ATP6V1A: variants seen among roughly 807,000 people sequenced by gnomAD.
ATP6V1A encodes the protein V-type proton ATPase catalytic subunit A.
A neutral mutation model predicts 70.1 loss-of-function variants in ATP6V1A; 18 were observed. The ratio of observed to expected loss-of-function variants is 0.26; its 90% CI spans 0.18 to 0.38. The LOEUF is 0.38. Ranked by LOEUF, ATP6V1A falls within the 10% of genes least tolerant of loss-of-function variation. The probability of loss-of-function intolerance (pLI) is 1.00; values close to 1 mark genes in which losing one functional copy is unlikely to be tolerated. For missense variants in ATP6V1A, 424 were observed against 772.4 expected (o/e 0.55, Z 5.35); for synonymous variants, 232 against 253.8 (o/e 0.91, Z 0.82).
chr3:113,811,186 CATAA>C lies in ATP6V1A; in HGVS notation c.*1765_*1768del, dbSNP rs1709337883. ...TCTTCAAATACCCAAATTGTGATAG[CATAA>C]ATAAAGTATTTATTTTATGCCTCAG... On this transcript the variant is annotated 3_prime_UTR_variant, in exon 15 of 15. Transcript: ENST00000273398. 1 of 152,084 alleles carries C rather than the reference CATAA, an allele frequency of 6.6e-6. No homozygotes were observed. Among genetic ancestry groups the C allele is most frequent in the African/African-American group, 2.4e-5 (1 of 41,400 alleles). 9.4% of individuals were successfully genotyped at this position (152,084 alleles called of 1,614,324 possible). A position where few individuals can be genotyped will look rare whatever the true frequency, so the allele number is the denominator to read the frequency against.
At chr3:113,751,731 G>A (rs777832696) in intron 1 of ATP6V1A, among the ~76,000 whole-genome samples, 18 of 150,940 alleles carry the variant, frequency 1.2e-4, no homozygotes, top group Non-Finnish European at 2.2e-4. Context: ...TATAAAGTAC[G>A]CAATGTGTGT....
At chr3:113,782,191 G>A (rs1196740992) in intron 3 of ATP6V1A, among the ~76,000 whole-genome samples, 1 of 152,084 alleles carries the variant, frequency 6.6e-6, no homozygotes, top group Non-Finnish European at 1.5e-5. Flanking sequence ...AGTACTAGGT[G>A]CCAATTTAAA....
chr3:113,773,331 T>C (rs1322341046), intron 1 of ATP6V1A, among the ~76,000 whole-genome samples: 1 of 152,214 alleles, frequency 6.6e-6, no homozygotes, highest in Non-Finnish European at 1.5e-5. Flanking sequence ...GTGACAATTA[T>C]CTTTAAGTAA....
At chr3:113,764,553 A>G (rs1209514260) in intron 1 of ATP6V1A, among the ~76,000 whole-genome samples, 1 of 152,252 alleles carries the variant, frequency 6.6e-6, no homozygotes, top group Non-Finnish European at 1.5e-5. Context: ...CAGATTTTAA[A>G]GAAAGATGTG....
Position 113,810,776 on chromosome 3 carries a change from T to G in ATP6V1A, c.*1349T>G, listed in dbSNP as rs2108049865. ...TGTTTTTACAAAATAATGACATATG[T>G]CACATGTTTGCATGTTTGTTTGCTT... is the stretch of plus-strand genomic sequence containing the variant. On this transcript the variant is annotated 3_prime_UTR_variant, in exon 15 of 15. Coordinates refer to ENST00000273398, the MANE Select transcript of ATP6V1A (RefSeq NM_001690.4). 6.6e-6 allele frequency: 1 copy of G among 152,368 alleles called. No homozygotes were observed. The highest frequency in any genetic ancestry group is 1.9e-4 in the East Asian group (1 of 5,194). 9.4% of individuals were successfully genotyped at this position (152,368 alleles called of 1,614,324 possible).
At chr3:113,753,337 C>T (rs1218176390) in intron 1 of ATP6V1A, among the ~76,000 whole-genome samples, 5 of 152,116 alleles carry the variant, frequency 3.3e-5, no homozygotes, top group African/African-American at 9.7e-5. Flanking sequence ...AAAATGCTAG[C>T]GGAGATGTGA....
intron 1 of ATP6V1A, among the ~76,000 whole-genome samples, chr3:113,768,161 C>G (rs1045401781): frequency 5.3e-5 from 8 of 151,918 alleles, no homozygotes; most frequent in Admixed American, 1.3e-4. Context: ...AATTTTATTC[C>G]AATAAGAATA....
chr3:113,799,463 C>A (rs1029607889), intron 12 of ATP6V1A, among the ~76,000 whole-genome samples: 9 of 152,108 alleles, frequency 5.9e-5, no homozygotes, highest in African/African-American at 2.2e-4. Flanking sequence ...CTAGGGAAAC[C>A]ACTTTACTTA....
At chr3:113,770,340 G>A (rs1265491279) in intron 1 of ATP6V1A, among the ~76,000 whole-genome samples, 3 of 151,876 alleles carry the variant, frequency 2.0e-5, no homozygotes, top group Non-Finnish European at 4.4e-5. Flanking sequence ...ATGAATTATC[G>A]AGACTGGCCT....
At chr3:113,799,682 AAAT>A (rs1475836667) in intron 12 of ATP6V1A, among the ~76,000 whole-genome samples, 1 of 149,574 alleles carries the variant, frequency 6.7e-6, no homozygotes, top group African/African-American at 2.6e-5. Context: ...ACAGAGAAAC[AAAT>A]AATAAGAGTT....
intron 5 of ATP6V1A, 24 bp downstream of exon 5, chr3:113,784,857 C>T: frequency 1.9e-6 from 3 of 1,610,180 alleles, no homozygotes; most frequent in Non-Finnish European, 2.5e-6. Flanking sequence ...GAACTTTATC[C>T]TGCAGAGTGC....
intron 11 of ATP6V1A, among the ~76,000 whole-genome samples, chr3:113,797,386 T>G (rs1363870152): frequency 1.3e-5 from 2 of 151,868 alleles, no homozygotes; most frequent in Non-Finnish European, 1.5e-5. Flanking sequence ...CCAAGTAAGC[T>G]GGCATTACAG....
chr3:113,778,814 G>T lies in ATP6V1A; in HGVS notation c.61G>T (p.Val21Leu), dbSNP rs748725125. 1.9e-6 allele frequency: 3 copies of T among 1,585,998 alleles called. No individual in the cohort carries two copies. ...DEDKESTFGY[V>L]HGVSGPVVTA... ...AGATAAAGAAAGCACATTTGGTTAT[G>T]TGCATGGGGTCTCAGGACCTGGTAA... Residue 21 changes from valine (V) to leucine (L), a missense_variant, in exon 2 of 15, where the codon GTG becomes TTG. Val to Leu is a conservative substitution (Grantham distance 32, BLOSUM62 1). This residue lies in a region of ATP6V1A where 31 missense variants were observed against 78.6 expected (regional missense o/e 0.39). Transcript: ENST00000273398.
At chr3:113,796,579 G>A (rs1709155140) in intron 11 of ATP6V1A, among the ~76,000 whole-genome samples, 1 of 152,142 alleles carries the variant, frequency 6.6e-6, no homozygotes, top group Non-Finnish European at 1.5e-5. Flanking sequence ...AATTTTAGTG[G>A]ATAGGTAGCC....
At chr3:113,758,312 G>A (rs1708666952) in intron 1 of ATP6V1A, among the ~76,000 whole-genome samples, 1 of 152,084 alleles carries the variant, frequency 6.6e-6, no homozygotes, top group Non-Finnish European at 1.5e-5. Context: ...AAAGTATACA[G>A]TTGGATAAGT....
chr3:113,770,932 A>C (rs1362340618), intron 1 of ATP6V1A, among the ~76,000 whole-genome samples: 1 of 151,998 alleles, frequency 6.6e-6, no homozygotes, highest in Non-Finnish European at 1.5e-5. Flanking sequence ...GTCTCTACTA[A>C]AAATACAAAA....
intron 1 of ATP6V1A, among the ~76,000 whole-genome samples, chr3:113,768,655 G>A (rs1173966344): frequency 2.0e-5 from 3 of 149,736 alleles, no homozygotes; most frequent in Admixed American, 6.7e-5. Context: ...GAGTGCAGTG[G>A]CGCAATCTCG....
chr3:113,808,982 G>T (rs1159347180), intron 14 of ATP6V1A, among the ~76,000 whole-genome samples: 1 of 152,110 alleles, frequency 6.6e-6, no homozygotes, highest in Non-Finnish European at 1.5e-5. Flanking sequence ...AGGTGCAGTG[G>T]CTCACGCCTG....
chr3:113,796,193 T>A (rs1709151964), intron 11 of ATP6V1A, among the ~76,000 whole-genome samples: 2 of 152,200 alleles, frequency 1.3e-5, no homozygotes, highest in South Asian at 4.1e-4. Flanking sequence ...AGCAAAAATT[T>A]TATTAGTATT....
Sources: allele counts gnomAD v4.1 joint callset (sites outside exome capture counted in the v4.1 genomes callset), GRCh38; gene constraint gnomAD v4.1.1; regional missense constraint gnomAD v4.1.1; transcripts MANE v1.5; gene names NCBI Gene and HGNC (gene_info 2026-07-23, HGNC 2026-07-21).